Variants in NPAS3 observed in about 807,000 individuals in gnomAD.
NPAS3 encodes the protein neuronal PAS domain protein 3, also known as neuronal PAS domain-containing protein 3.
NPAS3 carries 14 observed loss-of-function variants against 73.1 expected under a neutral mutation model. That is an observed-to-expected ratio of 0.19 (90% CI 0.13 to 0.30). NPAS3 has a LOEUF of 0.30. Among genes scored for constraint, NPAS3 ranks in the 10% least tolerant of loss-of-function variants. The probability of loss-of-function intolerance (pLI) is 1.00; values close to 1 mark genes in which losing one functional copy is unlikely to be tolerated. For missense variants in NPAS3, 1,096 were observed against 1,250.0 expected (o/e 0.88, Z 1.86); for synonymous variants, 620 against 541.5 (o/e 1.14, Z -2.01).
chr14:33,556,975 G>A (rs2055384029), intron 4 of NPAS3, among the ~76,000 whole-genome samples: 1 of 152,164 alleles, frequency 6.6e-6, no homozygotes, highest in African/African-American at 2.4e-5. Flanking sequence ...ACCAAGCCAT[G>A]GCTATCAGGT....
At chr14:33,024,721 A>G (rs978206409) in intron 1 of NPAS3, among the ~76,000 whole-genome samples, 7 of 152,238 alleles carry the variant, frequency 4.6e-5, no homozygotes, top group African/African-American at 1.7e-4. Flanking sequence ...CTATAGAAAT[A>G]CACCAATGAA....
chr14:33,593,505 C>G (rs756674512), intron 5 of NPAS3, among the ~76,000 whole-genome samples: 1 of 152,220 alleles, frequency 6.6e-6, no homozygotes, highest in South Asian at 2.1e-4. Flanking sequence ...ATCTGCAGAG[C>G]CTTGCTTCTG....
chr14:32,971,011 G>C (rs1254836351), intron 1 of NPAS3, among the ~76,000 whole-genome samples: 1 of 151,802 alleles, frequency 6.6e-6, no homozygotes, highest in Non-Finnish European at 1.5e-5. Flanking sequence ...TGACCACCTG[G>C]AAGTATGGCA....
At chr14:33,454,906 G>GC (rs2049959475) in intron 4 of NPAS3, among the ~76,000 whole-genome samples, 1 of 152,144 alleles carries the variant, frequency 6.6e-6, no homozygotes. Context: ...GAGGCAGCGT[G>GC]CCCCCGGCTG....
intron 3 of NPAS3, among the ~76,000 whole-genome samples, chr14:33,327,064 A>G (rs1049978405): frequency 6.6e-6 from 1 of 152,230 alleles, no homozygotes; most frequent in Non-Finnish European, 1.5e-5. Flanking sequence ...GGGCAAGCTG[A>G]TAGTAAATTG....
At chr14:33,046,544 G>A (rs2040512559) in intron 1 of NPAS3, among the ~76,000 whole-genome samples, 1 of 152,182 alleles carries the variant, frequency 6.6e-6, no homozygotes, top group African/African-American at 2.4e-5. Context: ...CAAGATGTAG[G>A]AGACAAGTGC....
intron 5 of NPAS3, among the ~76,000 whole-genome samples, chr14:33,609,693 C>T (rs1291034493): frequency 1.3e-5 from 2 of 151,992 alleles, no homozygotes; most frequent in African/African-American, 4.8e-5. Context: ...TTGAAATTAG[C>T]CTTTGTGGGT....
chr14:33,733,313 GAA>G (rs58483708), intron 6 of NPAS3, among the ~76,000 whole-genome samples: 2,747 of 139,950 alleles, frequency 0.02, 92 homozygotes, highest in African/African-American at 0.066. Context: ...TCCTTGGGAG[GAA>G]AAAAAAAAAA....
At chr14:33,204,828 G>A (rs968147781) in intron 2 of NPAS3, among the ~76,000 whole-genome samples, 26 of 152,062 alleles carry the variant, frequency 1.7e-4, no homozygotes, top group African/African-American at 5.6e-4. Flanking sequence ...TTTTAGAGGC[G>A]TGACCAAGCC....
intron 5 of NPAS3, among the ~76,000 whole-genome samples, chr14:33,620,736 AATCT>A (rs2058054679): frequency 6.6e-6 from 1 of 152,142 alleles, no homozygotes. Context: ...TTGGCATATA[AATCT>A]ATTTATTTAT....
At chr14:33,713,079 C>G (rs2060866870) in intron 6 of NPAS3, among the ~76,000 whole-genome samples, 2 of 152,266 alleles carry the variant, frequency 1.3e-5, no homozygotes, top group South Asian at 4.1e-4. Flanking sequence ...TGAAGGTGTT[C>G]TTTGTCAGGA....
At chr14:32,982,026 A>T (rs2037918456) in intron 1 of NPAS3, among the ~76,000 whole-genome samples, 1 of 152,102 alleles carries the variant, frequency 6.6e-6, no homozygotes, top group South Asian at 2.1e-4. Flanking sequence ...CTTACCAGGA[A>T]CTCTGTCTTA....
chr14:33,612,267 T>C (rs966506079), intron 5 of NPAS3: 9 of 378,508 alleles, frequency 2.4e-5, no homozygotes, highest in Non-Finnish European at 4.8e-5. Context: ...GATGCCCCAC[T>C]GTTCAGCTGA....
chr14:33,529,867 ATTAC>A (rs1210460109), intron 4 of NPAS3, among the ~76,000 whole-genome samples: 2 of 152,142 alleles, frequency 1.3e-5, no homozygotes, highest in East Asian at 3.9e-4. Context: ...TGTCTTAGGA[ATTAC>A]CAAGCGGCAG....
intron 3 of NPAS3, among the ~76,000 whole-genome samples, chr14:33,328,418 G>T (rs1322036877): frequency 2.0e-5 from 2 of 99,388 alleles, no homozygotes; most frequent in African/African-American, 7.5e-5. Context: ...ATTTATTGAT[G>T]TTTTTATCTT....
At chr14:33,614,619 G>A (rs749084648) in intron 5 of NPAS3, among the ~76,000 whole-genome samples, 1 of 152,102 alleles carries the variant, frequency 6.6e-6, no homozygotes, top group African/African-American at 2.4e-5. Flanking sequence ...ACAGTCCTGG[G>A]GGTCATATAC....
intron 7 of NPAS3, among the ~76,000 whole-genome samples, chr14:33,771,693 C>A (rs78119202): frequency 6.6e-6 from 1 of 152,044 alleles, no homozygotes; most frequent in African/African-American, 2.4e-5. Flanking sequence ...GGCCTGTGGT[C>A]CCAGCTACTC....
intron 1 of NPAS3, among the ~76,000 whole-genome samples, chr14:33,026,880 C>A (rs986937937): frequency 2.6e-5 from 4 of 152,196 alleles, no homozygotes; most frequent in African/African-American, 9.7e-5. Flanking sequence ...CCCCCCTACA[C>A]CCCTTTCCCT....
intron 2 of NPAS3, among the ~76,000 whole-genome samples, chr14:33,126,227 C>G (rs946469279): frequency 9.9e-5 from 15 of 152,154 alleles, no homozygotes; most frequent in African/African-American, 3.6e-4. Flanking sequence ...CACTACTTAT[C>G]TACTTGCAAG....
Sources: gnomAD v4.1 joint callset for allele counts (sites outside exome capture counted in the v4.1 genomes callset) on GRCh38, gnomAD v4.1.1 for gene constraint, MANE v1.5 for transcripts, NCBI Gene and HGNC (gene_info 2026-07-23, HGNC 2026-07-21) for gene names.